SCFD2: variants seen among roughly 807,000 people sequenced by gnomAD.
SCFD2 encodes the protein sec1 family domain-containing protein 2.
SCFD2 carries 54 observed loss-of-function variants against 58.9 expected under a neutral mutation model. That is an observed-to-expected ratio of 0.92 (90% CI 0.74 to 1.15). The LOEUF is 1.15. SCFD2 is among the 50% of genes most tolerant of loss of function. The pLI is 0.00. For missense variants in SCFD2, 805 were observed against 836.6 expected, an observed-to-expected ratio of 0.96 and a Z score of 0.47; for synonymous variants, 321 against 335.9, an observed-to-expected ratio of 0.96 and a Z score of 0.49.
At chr4:53,179,741 G>A (rs2148946307) in intron 4 of SCFD2, among the ~76,000 whole-genome samples, 1 of 152,272 alleles carries the variant, frequency 6.6e-6, no homozygotes. Flanking sequence ...TCAGTGTGCT[G>A]TATTCAGGAA....
intron 3 of SCFD2, among the ~76,000 whole-genome samples, chr4:53,275,595 G>C: frequency 6.6e-6 from 1 of 152,196 alleles, no homozygotes; most frequent in African/African-American, 2.4e-5. Context: ...GATATGGTTG[G>C]ATAACCACTG....
chr4:53,323,735 A>G (rs1560446727), intron 2 of SCFD2, among the ~76,000 whole-genome samples: 1 of 151,822 alleles, frequency 6.6e-6, no homozygotes, highest in Non-Finnish European at 1.5e-5. Flanking sequence ...AGCATTTTCA[A>G]TATAGTAAGA....
chr4:53,325,879 A>G (rs1733177472), intron 2 of SCFD2, among the ~76,000 whole-genome samples: 1 of 152,182 alleles, frequency 6.6e-6, no homozygotes, highest in African/African-American at 2.4e-5. Context: ...GGACATAACT[A>G]CTAACTCTCC....
chr4:53,218,465 G>C (rs1231290544), intron 4 of SCFD2, among the ~76,000 whole-genome samples: 1 of 152,158 alleles, frequency 6.6e-6, no homozygotes, highest in Admixed American at 6.5e-5. Context: ...TCGTCACATG[G>C]TTCTCATGTC....
intron 5 of SCFD2, among the ~76,000 whole-genome samples, chr4:53,096,227 A>G (rs1242843326): frequency 6.6e-6 from 1 of 152,230 alleles, no homozygotes; most frequent in Non-Finnish European, 1.5e-5. Context: ...CTTTGGGTAT[A>G]TACCCAGTAA....
At chr4:53,141,264 TTAAGA>T (rs1726155451) in intron 5 of SCFD2, among the ~76,000 whole-genome samples, 1 of 151,978 alleles carries the variant, frequency 6.6e-6, no homozygotes, top group Non-Finnish European at 1.5e-5. Context: ...GGTATAACAG[TTAAGA>T]TGAGAGGAAA....
intron 4 of SCFD2, among the ~76,000 whole-genome samples, chr4:53,178,324 C>A (rs1727415494): frequency 6.6e-6 from 1 of 152,190 alleles, no homozygotes; most frequent in Non-Finnish European, 1.5e-5. Context: ...GGTCAGGCAG[C>A]AACATCTGCG....
At chr4:53,230,617 T>C (rs925242122) in intron 4 of SCFD2, among the ~76,000 whole-genome samples, 20 of 90,748 alleles carry the variant, frequency 2.2e-4, no homozygotes, top group African/African-American at 8.9e-4. Flanking sequence ...CACTGGGGAC[T>C]GTTGTGGGGT....
chr4:53,075,362 T>C lies in SCFD2; in HGVS notation c.1561+69971A>G, dbSNP rs1117767. On this transcript the variant is annotated intron_variant, in intron 5 of 8. Coordinates refer to ENST00000401642, the MANE Select transcript of SCFD2 (RefSeq NM_152540.4). ...ACTCAAACTTTCTCCATATTAGCAA[T>C]ATGGCTGTTTCAGTTACTTATTGTT... Among the ~76,000 whole-genome samples, 863 of 152,326 alleles carry C rather than the reference T, an allele frequency of 5.7e-3. 7 individuals are homozygous for C. The Middle Eastern group carries it at 0.075, about 13-fold the overall frequency.
intron 5 of SCFD2, among the ~76,000 whole-genome samples, chr4:52,933,182 A>C (rs1264713066): frequency 6.6e-6 from 1 of 152,092 alleles, no homozygotes; most frequent in Admixed American, 6.5e-5. Context: ...GATCTGGAAG[A>C]AGTAGGACAG....
chr4:53,061,755 T>C (rs935246210), intron 5 of SCFD2, among the ~76,000 whole-genome samples: 16 of 152,148 alleles, frequency 1.1e-4, no homozygotes, highest in Admixed American at 9.8e-4. Flanking sequence ...ACTTTTTCCC[T>C]GGGGAGTTGT....
intron 5 of SCFD2, among the ~76,000 whole-genome samples, chr4:53,054,617 A>G (rs1183258431): frequency 6.6e-6 from 1 of 151,784 alleles, no homozygotes; most frequent in Non-Finnish European, 1.5e-5. Flanking sequence ...AAGAAAGAAA[A>G]TGATTAGCTT....
At chr4:53,212,530 TATA>T (rs1338056581) in intron 4 of SCFD2, among the ~76,000 whole-genome samples, 11 of 150,336 alleles carry the variant, frequency 7.3e-5, no homozygotes, top group African/African-American at 2.7e-4. Context: ...ACCCACACAA[TATA>T]GTATTAAGGA....
intron 4 of SCFD2, among the ~76,000 whole-genome samples, chr4:53,182,001 G>C (rs568388583): frequency 6.6e-6 from 1 of 152,296 alleles, no homozygotes; most frequent in East Asian, 1.9e-4. Flanking sequence ...GGAAATAAAA[G>C]AGGATACAAA....
intron 2 of SCFD2, among the ~76,000 whole-genome samples, chr4:53,346,641 C>T (rs1433937971): frequency 6.6e-6 from 1 of 152,122 alleles, no homozygotes; most frequent in Non-Finnish European, 1.5e-5. Context: ...TTCACTAGTA[C>T]ATCTTAAAAG....
chr4:53,223,096 C>T (rs1729096831), intron 4 of SCFD2, among the ~76,000 whole-genome samples: 1 of 152,062 alleles, frequency 6.6e-6, no homozygotes, highest in Admixed American at 6.5e-5. Flanking sequence ...GACAAATGTT[C>T]AGTTCTATTG....
intron 5 of SCFD2, among the ~76,000 whole-genome samples, chr4:53,120,803 C>T (rs1725458011): frequency 6.6e-6 from 1 of 152,094 alleles, no homozygotes; most frequent in Non-Finnish European, 1.5e-5. Context: ...CCAAGGTATC[C>T]CATCACAAAA....
chr4:52,918,892 A>C (rs1326907004), intron 6 of SCFD2, among the ~76,000 whole-genome samples: 1 of 152,060 alleles, frequency 6.6e-6, no homozygotes. Flanking sequence ...GCATTTCACC[A>C]TGTGTCTGTA....
At chr4:53,196,888 T>G (rs937963944) in intron 4 of SCFD2, among the ~76,000 whole-genome samples, 3 of 152,108 alleles carry the variant, frequency 2.0e-5, no homozygotes, top group African/African-American at 7.2e-5. Context: ...TAAGACTGGA[T>G]GAACTGCAAG....
Sources: gnomAD v4.1 joint callset for allele counts (sites outside exome capture counted in the v4.1 genomes callset) on GRCh38, gnomAD v4.1.1 for gene constraint, MANE v1.5 for transcripts, NCBI Gene and HGNC (gene_info 2026-07-23, HGNC 2026-07-21) for gene names.